The following NADSYN1 variants were observed in gnomAD, a reference collection of about 807,000 sequenced individuals.
The protein encoded by NADSYN1 is NAD synthetase 1, also known as glutamine-dependent NAD(+) synthetase.
In NADSYN1, 80 loss-of-function variants were observed where a neutral mutation model predicts 99.3. The observed-to-expected ratio is 0.81, with a 90% CI of 0.67 to 0.97. NADSYN1 has a LOEUF of 0.97. Ranked by LOEUF, NADSYN1 falls within the 50% of genes least tolerant of loss-of-function variation. The probability of loss-of-function intolerance (pLI) is 0.00; values close to 1 mark genes in which losing one functional copy is unlikely to be tolerated. For synonymous variants in NADSYN1, 385 were observed against 372.1 expected (o/e 1.03, Z -0.40); for missense variants, 859 against 948.5 (o/e 0.91, Z 1.24).
At chr11:71,474,285 C>A in intron 8 of NADSYN1, 110 bp from the exon 9 acceptor site, 1 of 1,412,102 alleles carries the variant, frequency 7.1e-7, no homozygotes, top group Non-Finnish European at 9.8e-7. Context: ...GTGGTGGGAC[C>A]ACTCAGGATG....
Position 71,464,115 on chromosome 11 carries a change from G to A in NADSYN1, c.380G>A (p.Arg127His), listed in dbSNP as rs200292694. 6.9e-5 allele frequency: 111 copies of A among 1,611,542 alleles called. No homozygotes were observed. Among genetic ancestry groups the A allele is most frequent in the Middle Eastern group, 1.6e-4 (1 of 6,080 alleles). Residue 127 changes from arginine (R) to histidine (H), a missense_variant, in exon 5 of 21, where the codon CGC becomes CAC. Physicochemically the swap from Arg to His is conservative, Grantham distance 29. Coordinates refer to ENST00000319023, the MANE Select transcript of NADSYN1 (RefSeq NM_018161.5). ...LANEGNYREL[R>H]WFTPWSRSRH... ...AATGAAGGCAACTACCGCGAGCTGC[G>A]CTGGTTCACCCCGTGGTCGAGGAGT...
intron 1 of NADSYN1, among the ~76,000 whole-genome samples, chr11:71,454,506 C>G (rs946105038): frequency 4.7e-4 from 71 of 152,246 alleles, no homozygotes; most frequent in African/African-American, 1.5e-3. Flanking sequence ...GCCACCGCAG[C>G]CAGTGGTTTT....
At chr11:71,474,577 C>T (rs373768265) in intron 9 of NADSYN1, 51 bp downstream of exon 9, 152 of 1,611,424 alleles carry the variant, frequency 9.4e-5, no homozygotes, top group Admixed American at 1.8e-4. Flanking sequence ...GTGCAGAGAC[C>T]GAGCTCCTGG....
At chr11:71,461,183 T>C (rs572330880) in intron 3 of NADSYN1, among the ~76,000 whole-genome samples, 1 of 152,320 alleles carries the variant, frequency 6.6e-6, no homozygotes, top group Non-Finnish European at 1.5e-5. Flanking sequence ...AGTGGTAAAA[T>C]GGTCACGTAG....
At position 71,498,548 on chromosome 11, in the gene NADSYN1, T is replaced by G; in HGVS notation, c.2070+20T>G. ...AATCAGGTAAATCCAGCAGAAATGTTTCTCTCTCCATGTTTCATGTCTGTA... is the reference window on the plus strand; with the variant it reads ...AATCAGGTAAATCCAGCAGAAATGTGTCTCTCTCCATGTTTCATGTCTGTA... On this transcript the variant is annotated intron_variant, in intron 20 of 20. Transcript: ENST00000319023. The G allele has an allele frequency of 6.2e-7, 1 of 1,611,240 alleles. No homozygotes were observed. The highest frequency in any genetic ancestry group is 1.1e-5 in the South Asian group (1 of 90,836).
intron 20 of NADSYN1, chr11:71,499,812 G>A (rs1293261609): frequency 6.6e-6 from 1 of 152,160 alleles, no homozygotes; most frequent in East Asian, 1.9e-4. Flanking sequence ...CTTTTGAGAG[G>A]ATCACCTGAC....
rs117537210 is a variant in NADSYN1 at position 71,468,302 on chromosome 11, G to A, written c.408-4147G>A. 3.0e-4 allele frequency among the ~76,000 whole-genome samples: 46 copies of A among 152,316 alleles called. 1 individual carries two copies. The highest frequency in any genetic ancestry group is 1.6e-3 in the Admixed American group (24 of 15,304). On this transcript the variant is annotated intron_variant, in intron 5 of 20. Coordinates refer to ENST00000319023, the MANE Select transcript of NADSYN1 (RefSeq NM_018161.5). ...AGGATATTGATAAATTTGTGGATAC[G>A]TGTCAACAAATGGGACTGTATGAAA...
intron 16 of NADSYN1, among the ~76,000 whole-genome samples, chr11:71,488,843 G>A (rs146650621): frequency 7.9e-5 from 12 of 152,230 alleles, no homozygotes; most frequent in Non-Finnish European, 1.5e-4. Context: ...TGCCCAGACT[G>A]GTCTCCATTT....
At position 71,455,180 on chromosome 11, in the gene NADSYN1, GAC is replaced by G. The variant is rs775629257; in HGVS notation, c.146+14_146+15del. 1.9e-6 allele frequency: 3 copies of G among 1,610,968 alleles called. No homozygotes were observed. In the South Asian group the frequency reaches 3.3e-5, roughly 18 times the overall value. On this transcript the variant is annotated intron_variant, in intron 2 of 20. Transcript: ENST00000319023. ...CAGAGCTGGAAATATGGTGAGAACA[GAC>G]ACAGACACCCTGGGGTCGTCAGCTA...
At chr11:71,477,017 T>G (rs1949672019) in intron 9 of NADSYN1, 2 of 1,063,242 alleles carry the variant, frequency 1.9e-6, no homozygotes, top group Admixed American at 1.0e-4. Context: ...CTCGGGCCAC[T>G]GCCCTCCACC....
At chr11:71,475,957 A>T (rs561361419) in intron 9 of NADSYN1, 2 of 450,528 alleles carry the variant, frequency 4.4e-6, no homozygotes, top group Non-Finnish European at 8.9e-6. Flanking sequence ...CAGGCAATCC[A>T]CGCACCTCAG....
rs905798357 is a variant in NADSYN1, at chr11:71,501,526, C to T, written c.*174C>T. On this transcript the variant is annotated 3_prime_UTR_variant, in exon 21 of 21. Transcript: ENST00000319023. ...CCTCAAAAAGAGGCTGGAATAAAGC[C>T]TGGGCTTAAAAAGAGGCTGGAATCC... The T allele has an allele frequency of 4.9e-6, 3 of 607,790 alleles. No homozygotes were observed. Among genetic ancestry groups the T allele is most frequent in the Non-Finnish European group, 8.5e-6 (3 of 354,430 alleles). 37.6% of individuals were successfully genotyped at this position (607,790 alleles called of 1,614,324 possible). A position where few individuals can be genotyped will look rare whatever the true frequency, so the allele number is the denominator to read the frequency against.
intron 3 of NADSYN1, among the ~76,000 whole-genome samples, chr11:71,461,941 G>A (rs1949553444): frequency 6.6e-6 from 1 of 152,230 alleles, no homozygotes; most frequent in African/African-American, 2.4e-5. Flanking sequence ...GGAGTGAGTC[G>A]CTTGTGGTGG....
In NADSYN1 at chr11:71,458,521, G is replaced by A; in HGVS notation, c.240G>A (p.Gln80=). The A allele has an allele frequency of 1.9e-6, 3 of 1,611,662 alleles. No homozygotes were observed. Among genetic ancestry groups the A allele is most frequent in the African/African-American group, 1.3e-5 (1 of 75,010 alleles). ...CCCTTGTGGAGTCTCCCGTCACTCA[G>A]GACATCATCTGCGACGTGGGGATGT... ...LAALVESPVT[Q]DIICDVGMPV... The change falls in exon 3 of 21, where the codon CAG becomes CAA. Residue 80 remains glutamine (Q), a synonymous_variant. Transcript: ENST00000319023.
chr11:71,485,686 G>A, intron 16 of NADSYN1, 38 bp downstream of exon 16: 1 of 1,446,976 alleles, frequency 6.9e-7, no homozygotes, highest in South Asian at 1.2e-5. Flanking sequence ...GTGGGCCCCT[G>A]AACCTCTCAG....
At position 71,481,959 on chromosome 11, in the gene NADSYN1, A is replaced by G. The variant is rs371430096; in HGVS notation, c.1084A>G (p.Ser362Gly). The G allele has an allele frequency of 6.2e-7, 1 of 1,606,734 alleles. No individual in the cohort carries two copies. The highest frequency in any genetic ancestry group is 1.3e-5 in the African/African-American group (1 of 74,694). The change falls in exon 13 of 21, where the codon AGC becomes GGC. Residue 362 changes from serine to glycine, a missense_variant. Physicochemically the swap from Ser to Gly is moderately conservative, Grantham distance 56. Coordinates refer to ENST00000319023, the MANE Select transcript of NADSYN1 (RefSeq NM_018161.5). ...FLLPLSGGVD[S>G]AATACLIYSM... ...GCTGCCCTTGAGTGGCGGGGTGGAC[A>G]GCGCAGCCACCGCCTGCCTCATCTA...
intron 1 of NADSYN1, among the ~76,000 whole-genome samples, chr11:71,453,584 G>C (rs184581698): frequency 2.0e-5 from 3 of 152,358 alleles, no homozygotes; most frequent in Admixed American, 2.0e-4. Flanking sequence ...ATAGTTCCCG[G>C]GGACGAGCGA....
chr11:71,491,032 G>A, intron 17 of NADSYN1, 56 bp downstream of exon 17: 1 of 1,605,914 alleles, frequency 6.2e-7, no homozygotes, highest in African/African-American at 1.3e-5. Flanking sequence ...TCCCAGCACG[G>A]CCCCGGCCAC....
chr11:71,481,059 G>A, intron 11 of NADSYN1, 180 bp downstream of exon 11: 2 of 842,242 alleles, frequency 2.4e-6, no homozygotes, highest in Non-Finnish European at 3.6e-6. Context: ...CCCTGGGTGT[G>A]ACCCCCAGCC....
Sources: gnomAD v4.1 joint callset for allele counts (sites outside exome capture counted in the v4.1 genomes callset) on GRCh38, gnomAD v4.1.1 for gene constraint, MANE v1.5 for transcripts, NCBI Gene and HGNC (gene_info 2026-07-23, HGNC 2026-07-21) for gene names.